Variants in TGFBR3 observed in about 807,000 individuals in gnomAD.
TGFBR3 encodes the protein transforming growth factor beta receptor type 3.
In TGFBR3, 46 loss-of-function variants were observed where a neutral mutation model predicts 87.9. The ratio of observed to expected loss-of-function variants is 0.52; its 90% CI spans 0.41 to 0.67. TGFBR3 has a LOEUF of 0.67. TGFBR3 is among the 30% of genes least tolerant of loss of function. The pLI is 0.00. For missense variants in TGFBR3, 866 were observed against 1,041.9 expected, an observed-to-expected ratio of 0.83 and a Z score of 2.32; for synonymous variants, 381 against 391.6, an observed-to-expected ratio of 0.97 and a Z score of 0.32.
At position 91,719,400 on chromosome 1, in the gene TGFBR3, C is replaced by A; in HGVS notation, c.1478G>T (p.Gly493Val). Residue 493 changes from glycine (G) to valine (V), a missense_variant, in exon 10 of 17, where the codon GGC becomes GTC. By Grantham distance (109) the Gly-to-Val change is moderately radical. Transcript: ENST00000212355. ...LDPTCKAKMN[G>V]THFVLESPLN... ...AGGAGACTCCAAAACAAAGTGTGTG[C>A]CATTCATCTTGGCCTTGCAGGTAGG... 2 of 1,614,154 alleles carry A rather than the reference C, an allele frequency of 1.2e-6. No individual in the cohort carries two copies. Among genetic ancestry groups the A allele is most frequent in the Non-Finnish European group, 1.7e-6 (2 of 1,180,030 alleles).
At chr1:91,810,094 T>G (rs914921466) in intron 2 of TGFBR3, among the ~76,000 whole-genome samples, 1 of 152,192 alleles carries the variant, frequency 6.6e-6, no homozygotes, top group Admixed American at 6.5e-5. Flanking sequence ...GGTCTGGCTT[T>G]GTTGCCCAGG....
At chr1:91,695,433 G>A (rs1454364409) in intron 16 of TGFBR3, 14 of 496,014 alleles carry the variant, frequency 2.8e-5, no homozygotes, top group Non-Finnish European at 4.8e-5. Context: ...CTTTATTAGC[G>A]GCTAAATTTC....
At chr1:91,765,725 G>A (rs1010931009) in intron 3 of TGFBR3, among the ~76,000 whole-genome samples, 1 of 152,172 alleles carries the variant, frequency 6.6e-6, no homozygotes, top group African/African-American at 2.4e-5. Flanking sequence ...CTTCCTTAGG[G>A]ATAGATAACA....
At chr1:91,714,632 G>A (rs1207780351) in intron 12 of TGFBR3, among the ~76,000 whole-genome samples, 1 of 152,146 alleles carries the variant, frequency 6.6e-6, no homozygotes, top group Non-Finnish European at 1.5e-5. Flanking sequence ...CCAGGGTAAG[G>A]TACAGGAGGA....
chr1:91,690,546 T>C (rs1224582569), intron 16 of TGFBR3, among the ~76,000 whole-genome samples: 2 of 152,146 alleles, frequency 1.3e-5, no homozygotes, highest in East Asian at 3.9e-4. Flanking sequence ...AGTCCTACTT[T>C]GTAACAAATT....
intron 2 of TGFBR3, among the ~76,000 whole-genome samples, chr1:91,843,596 G>A (rs550209089): frequency 5.9e-5 from 9 of 152,168 alleles, no homozygotes; most frequent in African/African-American, 1.2e-4. Context: ...CATAATAAAC[G>A]TGATCCTCTG....
intron 3 of TGFBR3, among the ~76,000 whole-genome samples, chr1:91,773,508 C>T (rs1674459171): frequency 6.6e-6 from 1 of 152,050 alleles, no homozygotes; most frequent in Non-Finnish European, 1.5e-5. Flanking sequence ...GGTGAAACCC[C>T]GTCTCTACTA....
chr1:91,757,152 C>A (rs1387311831), intron 4 of TGFBR3, among the ~76,000 whole-genome samples: 11 of 152,172 alleles, frequency 7.2e-5, no homozygotes, highest in Admixed American at 7.2e-4. Context: ...TCTGGAATGG[C>A]TCCCCAGCCT....
chr1:91,793,271 T>C (rs1045880709), intron 3 of TGFBR3, among the ~76,000 whole-genome samples: 3 of 152,166 alleles, frequency 2.0e-5, no homozygotes, highest in Non-Finnish European at 1.5e-5. Flanking sequence ...AATTTATTAA[T>C]AGTAAAATAT....
intron 3 of TGFBR3, among the ~76,000 whole-genome samples, chr1:91,773,165 G>A (rs1557702862): frequency 6.6e-6 from 1 of 151,970 alleles, no homozygotes. Flanking sequence ...GATCACTTGA[G>A]GACAAGAGTT....
chr1:91,723,406 G>A lies in TGFBR3; in HGVS notation c.886-1262C>T, dbSNP rs771477243. On this transcript the variant is annotated intron_variant, in intron 7 of 16. Transcript: ENST00000212355. ...TGAGGTGGGAGGATCACCTGAGCCC[G>A]TGAGTTAGAGGTTGCAGTAAGCTAT... Among the ~76,000 whole-genome samples, 10 of 148,058 alleles carry A rather than the reference G, an allele frequency of 6.8e-5. No individual in the cohort carries two copies. The East Asian group carries it at 8.1e-4, about 12-fold the overall frequency.
At chr1:91,795,147 T>C (rs184648275) in intron 3 of TGFBR3, among the ~76,000 whole-genome samples, 11 of 152,318 alleles carry the variant, frequency 7.2e-5, no homozygotes, top group Non-Finnish European at 1.5e-4. Context: ...CAGAGCCAGA[T>C]GGAATCTCCA....
intron 2 of TGFBR3, among the ~76,000 whole-genome samples, chr1:91,829,360 A>C (rs1035589594): frequency 1.3e-5 from 2 of 151,316 alleles, no homozygotes; most frequent in Non-Finnish European, 2.9e-5. Context: ...TGAGCAACAG[A>C]GCGAGACTCG....
intron 2 of TGFBR3, among the ~76,000 whole-genome samples, chr1:91,805,251 T>C (rs1197436138): frequency 6.6e-6 from 1 of 152,214 alleles, no homozygotes; most frequent in Non-Finnish European, 1.5e-5. Flanking sequence ...ATCTGGTATG[T>C]GACGAGTACA....
chr1:91,729,030 G>GCATACA (rs1416059370), intron 6 of TGFBR3, among the ~76,000 whole-genome samples: 1 of 102,574 alleles, frequency 9.7e-6, no homozygotes, highest in Non-Finnish European at 1.9e-5. Flanking sequence ...GGCCACTCCA[G>GCATACA]CATACACACA....
chr1:91,745,015 C>T (rs1447030543), intron 4 of TGFBR3, among the ~76,000 whole-genome samples: 6 of 5,244 alleles, frequency 1.1e-3, no homozygotes, highest in African/African-American at 9.9e-4. Context: ...CAAACGCACG[C>T]GTACACACAC....
chr1:91,873,703 T>C (rs1298189761), intron 1 of TGFBR3, among the ~76,000 whole-genome samples: 3 of 152,096 alleles, frequency 2.0e-5, no homozygotes, highest in Non-Finnish European at 2.9e-5. Context: ...TCCCAGCACT[T>C]TGGGAGGCCA....
At chr1:91,752,131 A>G (rs1673563875) in intron 4 of TGFBR3, among the ~76,000 whole-genome samples, 1 of 152,166 alleles carries the variant, frequency 6.6e-6, no homozygotes, top group Non-Finnish European at 1.5e-5. Flanking sequence ...AACTGGAAAC[A>G]AAAACCTGAA....
At chr1:91,745,680 AG>A (rs1673319940) in intron 4 of TGFBR3, among the ~76,000 whole-genome samples, 1 of 152,252 alleles carries the variant, frequency 6.6e-6, no homozygotes, top group African/African-American at 2.4e-5. Flanking sequence ...AATTCCTGGG[AG>A]GACCCCACTT....
Sources: allele counts gnomAD v4.1 joint callset (sites outside exome capture counted in the v4.1 genomes callset), GRCh38; gene constraint gnomAD v4.1.1; transcripts MANE v1.5; gene names NCBI Gene and HGNC (gene_info 2026-07-23, HGNC 2026-07-21).